The following EEF2K variants were observed in gnomAD, a reference collection of about 807,000 sequenced individuals.
EEF2K encodes the protein eukaryotic elongation factor 2 kinase, also known as alternative protein EEF2K.
In EEF2K, 70 loss-of-function variants were observed where a neutral mutation model predicts 93.8. The ratio of observed to expected loss-of-function variants is 0.75; its 90% CI spans 0.62 to 0.91. The LOEUF (loss-of-function observed/expected upper bound fraction) is 0.91. Ranked by LOEUF, EEF2K falls within the 40% of genes least tolerant of loss-of-function variation. The pLI is 0.00. For missense variants in EEF2K, 935 were observed against 972.9 expected, an observed-to-expected ratio of 0.96 and a Z score of 0.52; for synonymous variants, 376 against 380.8, an observed-to-expected ratio of 0.99 and a Z score of 0.15.
chr16:22,213,996 G>A (rs2046937757), intron 1 of EEF2K, among the ~76,000 whole-genome samples: 1 of 152,204 alleles, frequency 6.6e-6, no homozygotes, highest in South Asian at 2.1e-4. Context: ...AGCCATCTTA[G>A]GGGAGCCATG....
At chr16:22,264,568 C>A (rs983261378) in intron 12 of EEF2K, among the ~76,000 whole-genome samples, 4 of 152,208 alleles carry the variant, frequency 2.6e-5, no homozygotes, top group African/African-American at 9.7e-5. Flanking sequence ...TCCACCTGCT[C>A]ACACACGGAG....
chr16:22,213,488 G>A (rs989944543), intron 1 of EEF2K, among the ~76,000 whole-genome samples: 1 of 152,166 alleles, frequency 6.6e-6, no homozygotes, highest in Non-Finnish European at 1.5e-5. Context: ...ATTGCCAAAT[G>A]TCCCTTGAGG....
At chr16:22,255,075 A>G (rs1270672582) in intron 6 of EEF2K, among the ~76,000 whole-genome samples, 1 of 152,170 alleles carries the variant, frequency 6.6e-6, no homozygotes, top group East Asian at 1.9e-4. Context: ...AAAATATAAA[A>G]TAAAATGAAA....
At chr16:22,251,409 T>G in intron 6 of EEF2K, 87 bp downstream of exon 6, 1 of 1,432,478 alleles carries the variant, frequency 7.0e-7, no homozygotes, top group Admixed American at 2.7e-5. Flanking sequence ...AATCCCTATT[T>G]CACCTTCTTT....
intron 16 of EEF2K, among the ~76,000 whole-genome samples, chr16:22,278,469 G>T (rs536093391): frequency 6.6e-6 from 1 of 152,142 alleles, no homozygotes; most frequent in African/African-American, 2.4e-5. Flanking sequence ...GGAACAGCGG[G>T]TGCAAGGGCC....
rs191559409 is a variant in EEF2K, at chr16:22,258,152, A to G, written c.1030-342A>G. Among the ~76,000 whole-genome samples, 24 of 152,164 alleles carry G rather than the reference A, an allele frequency of 1.6e-4. No individual in the cohort carries two copies. The East Asian group carries it at 3.5e-3, about 22-fold the overall frequency. On this transcript the variant is annotated intron_variant, in intron 9 of 17. Coordinates refer to ENST00000263026, the MANE Select transcript of EEF2K (RefSeq NM_013302.5). ...TCACCAACATACCTCCCATCCTCCC[A>G]TTGCTACTTGGACCAGGGACAAGAG...
chr16:22,248,972 AT>A (rs201664759), intron 4 of EEF2K, among the ~76,000 whole-genome samples, 157 bp downstream of exon 4: 5,959 of 126,462 alleles, frequency 0.047, 257 homozygotes, highest in African/African-American at 0.16. Context: ...TGTAGCCAGC[AT>A]TTTTTTTTTT....
At chr16:22,220,078 G>A (rs1486465267) in intron 1 of EEF2K, among the ~76,000 whole-genome samples, 3 of 152,224 alleles carry the variant, frequency 2.0e-5, no homozygotes, top group Non-Finnish European at 4.4e-5. Context: ...GTGGCCACGT[G>A]ACATGCTTAG....
chr16:22,222,725 A>T (rs1453594528), intron 1 of EEF2K, among the ~76,000 whole-genome samples: 1 of 136,748 alleles, frequency 7.3e-6, no homozygotes, highest in Admixed American at 7.0e-5. Context: ...AAAAAAAAAA[A>T]ATACAAAAAT....
At chr16:22,230,881 C>T (rs1379528624) in intron 2 of EEF2K, among the ~76,000 whole-genome samples, 1 of 152,090 alleles carries the variant, frequency 6.6e-6, no homozygotes, top group Non-Finnish European at 1.5e-5. Context: ...CATCCCACTT[C>T]AGCTTCCCAA....
rs1439816154 is a variant in EEF2K, at chr16:22,257,298, G to A, written c.814G>A (p.Val272Met). The A allele has an allele frequency of 6.2e-7, 1 of 1,614,086 alleles. No homozygotes were observed. Among genetic ancestry groups the A allele is most frequent in the Admixed American group, 1.7e-5 (1 of 60,016 alleles). Residue 272 changes from valine to methionine, a missense_variant, in exon 8 of 18, where the codon GTG becomes ATG. By Grantham distance (21) the Val-to-Met change is conservative. Coordinates refer to ENST00000263026, the MANE Select transcript of EEF2K (RefSeq NM_013302.5). The stretch of plus-strand genomic sequence containing the variant: ...TGAGCGTTCCGGCCATCAGCTGATA[G>A]TGGTGGACATCCAGGGAGTTGGGGA... Reference protein sequence around the residue: ...TFERSGHQLIVVDIQGVGDLY... With the variant: ...TFERSGHQLIMVDIQGVGDLY...
chr16:22,262,545 G>T (rs2047476132), intron 11 of EEF2K, among the ~76,000 whole-genome samples: 1 of 152,108 alleles, frequency 6.6e-6, no homozygotes, highest in Non-Finnish European at 1.5e-5. Flanking sequence ...TTGGTTGAGG[G>T]CTTATTTGTA....
chr16:22,207,178 G>A (rs2046871687), intron 1 of EEF2K, among the ~76,000 whole-genome samples: 1 of 152,224 alleles, frequency 6.6e-6, no homozygotes, highest in Non-Finnish European at 1.5e-5. Context: ...TGACATGTGT[G>A]CCAAGGGGCT....
intron 2 of EEF2K, among the ~76,000 whole-genome samples, chr16:22,244,270 TGTGTGTG>T (rs1567272814): frequency 2.9e-5 from 1 of 34,166 alleles, no homozygotes; most frequent in South Asian, 1.7e-3. Flanking sequence ...ATATATGTAT[TGTGTGTG>T]TGTGTGTGTG....
Position 22,264,820 on chromosome 16 carries a change from C to A in EEF2K, c.1380C>A (p.Gly460=). The part of the protein sequence containing the change: ...ELDDPEPREH[G]HSYSNRKYES... ...GTGTAATTTCTTCCTCCGTTCAGGG[C>A]CACTCATACAGTAATCGGAAGTACG... Residue 460 remains glycine (G), a splice_region_variant and synonymous_variant, in exon 13 of 18, where the codon GGC becomes GGA. Transcript: ENST00000263026. The A allele has an allele frequency of 6.2e-7, 1 of 1,613,944 alleles. No homozygotes were observed. The highest frequency in any genetic ancestry group is 8.5e-7 in the Non-Finnish European group (1 of 1,179,898).
chr16:22,280,525 CATTGTT>C, intron 17 of EEF2K, 149 bp downstream of exon 17: 20 of 977,414 alleles, frequency 2.0e-5, no homozygotes, highest in Non-Finnish European at 2.7e-5. Context: ...TGAAGATGAA[CATTGTT>C]ATTTTAATGG....
chr16:22,210,144 T>C (rs1034678869), intron 1 of EEF2K, among the ~76,000 whole-genome samples: 4 of 152,120 alleles, frequency 2.6e-5, no homozygotes, highest in African/African-American at 9.7e-5. Flanking sequence ...ACGCTGATGA[T>C]AAAGCAGAAA....
intron 15 of EEF2K, among the ~76,000 whole-genome samples, chr16:22,268,815 G>A (rs892384978): frequency 6.6e-6 from 1 of 151,958 alleles, no homozygotes; most frequent in African/African-American, 2.4e-5. Flanking sequence ...AAATTAGCCA[G>A]GTGTGGTGGC....
chr16:22,285,530 A>G lies in EEF2K; in HGVS notation c.*1534A>G, dbSNP rs2047745695. On this transcript the variant is annotated 3_prime_UTR_variant, in exon 18 of 18. Coordinates refer to ENST00000263026, the MANE Select transcript of EEF2K (RefSeq NM_013302.5). The stretch of plus-strand genomic sequence containing the variant: ...GATTTCATTTGATGTTTCAAATAGC[A>G]AAGATGCTAGGTGCGGTGGCTCCCG... 6.6e-6 allele frequency: 1 copy of G among 152,242 alleles called. No individual in the cohort carries two copies. Among genetic ancestry groups the G allele is most frequent in the Non-Finnish European group, 1.5e-5 (1 of 68,042 alleles). The allele number at this position is 152,242 out of a possible 1,614,324, so 9.4% of individuals were successfully genotyped here. A position where few individuals can be genotyped will look rare whatever the true frequency, so the allele number is the denominator to read the frequency against.
Sources: gnomAD v4.1 joint callset for allele counts (sites outside exome capture counted in the v4.1 genomes callset) on GRCh38, gnomAD v4.1.1 for gene constraint, MANE v1.5 for transcripts, NCBI Gene and HGNC (gene_info 2026-07-23, HGNC 2026-07-21) for gene names.